Variants in ATP11B observed in about 807,000 individuals in gnomAD.
The protein encoded by ATP11B is phospholipid-transporting ATPase IF.
A neutral mutation model predicts 157.8 loss-of-function variants in ATP11B; 81 were observed. That is an observed-to-expected ratio of 0.51 (90% CI 0.43 to 0.62). ATP11B has a LOEUF of 0.62. ATP11B is among the 20% of genes least tolerant of loss of function. ATP11B has a pLI of 0.00. For missense variants in ATP11B, 1,165 were observed against 1,402.2 expected, an observed-to-expected ratio of 0.83 and a Z score of 2.70; for synonymous variants, 451 against 469.4, an observed-to-expected ratio of 0.96 and a Z score of 0.51.
intron 28 of ATP11B, among the ~76,000 whole-genome samples, chr3:182,899,580 T>G (rs1723809597): frequency 6.6e-6 from 1 of 152,222 alleles, no homozygotes; most frequent in Admixed American, 6.5e-5. Context: ...TAATAAATAT[T>G]AAACTACAGC....
chr3:182,917,342 A>T (rs951025757), intron 29 of ATP11B: 1 of 985,206 alleles, frequency 1.0e-6, no homozygotes, highest in African/African-American at 1.7e-5. Flanking sequence ...GTCTTGAGTT[A>T]TTTTAGCTTA....
chr3:182,847,793 C>T (rs915772479), intron 9 of ATP11B, among the ~76,000 whole-genome samples: 21 of 152,078 alleles, frequency 1.4e-4, no homozygotes, highest in African/African-American at 5.1e-4. Flanking sequence ...ATTACTTACC[C>T]GAGGATGTAG....
chr3:182,866,384 G>T lies in ATP11B; in HGVS notation c.1560G>T (p.Ser520=). The change falls in exon 14 of 30, where the codon TCG becomes TCT. Residue 520 remains serine (S), a synonymous_variant. Transcript: ENST00000323116. ...CCTGGCAATCCAACCTGGCACCATC[G>T]CAGTTGGAGTACTATGCATCTTCAC... is the stretch of plus-strand genomic sequence containing the variant. The part of the protein sequence containing the change: ...DGPWQSNLAP[S]QLEYYASSPD... 3 of 1,613,674 alleles carry T rather than the reference G, an allele frequency of 1.9e-6. No homozygotes were observed. The highest frequency in any genetic ancestry group is 2.5e-6 in the Non-Finnish European group (3 of 1,179,778).
At position 182,879,477 on chromosome 3, in the gene ATP11B, T is replaced by C. The variant is rs753641455; in HGVS notation, c.2253-19T>C. On this transcript the variant is annotated intron_variant, in intron 19 of 29. Coordinates refer to ENST00000323116, the MANE Select transcript of ATP11B (RefSeq NM_014616.3). ...GCTTCAAAGTATCTTACAGAGAATA[T>C]AATTATTTTCTCTTTTAGAATTACA... 1.7e-5 allele frequency: 27 copies of C among 1,584,364 alleles called. 1 individual carries two copies. In the South Asian group the frequency reaches 3.2e-4, roughly 19 times the overall value.
rs144534166 is a variant in ATP11B, at chr3:182,829,099, C to G, written c.235-573C>G. ...CGTTCGCTTGGCTTTCTTGGAAAAG[C>G]AAGAAATGTATGCTAACCATATCCA... On this transcript the variant is annotated intron_variant, in intron 3 of 29. Transcript: ENST00000323116. Among the ~76,000 whole-genome samples, 7 of 152,262 alleles carry G rather than the reference C, an allele frequency of 4.6e-5. No individual in the cohort carries two copies. The East Asian group carries it at 1.3e-3, about 29-fold the overall frequency.
At chr3:182,865,874 G>C (rs1195047418) in intron 13 of ATP11B, among the ~76,000 whole-genome samples, 176 bp downstream of exon 13, 1 of 152,150 alleles carries the variant, frequency 6.6e-6, no homozygotes, top group Non-Finnish European at 1.5e-5. Flanking sequence ...TTACAGCCCA[G>C]TTTAACTTGT....
At chr3:182,876,851 A>G (rs1722077536) in intron 19 of ATP11B, among the ~76,000 whole-genome samples, 1 of 152,208 alleles carries the variant, frequency 6.6e-6, no homozygotes, top group Admixed American at 6.5e-5. Context: ...CGACATTCAA[A>G]CCATAGCACT....
At chr3:182,803,563 CTTTG>C (rs988990386) in intron 1 of ATP11B, among the ~76,000 whole-genome samples, 4 of 151,942 alleles carry the variant, frequency 2.6e-5, no homozygotes, top group African/African-American at 9.7e-5. Context: ...TTGACAATTC[CTTTG>C]TTATACTAGG....
intron 10 of ATP11B, among the ~76,000 whole-genome samples, chr3:182,852,247 A>G (rs1294009123): frequency 6.6e-6 from 1 of 152,238 alleles, no homozygotes; most frequent in Non-Finnish European, 1.5e-5. Context: ...ACACATCTAC[A>G]TTTGCAGACT....
chr3:182,848,614 G>A (rs141194074), intron 10 of ATP11B, 57 bp downstream of exon 10: 30 of 917,902 alleles, frequency 3.3e-5, no homozygotes, highest in Middle Eastern at 3.8e-4. Flanking sequence ...TTTTTTATTC[G>A]TTTGGTATAA....
At chr3:182,822,803 C>A (rs953195733) in intron 2 of ATP11B, among the ~76,000 whole-genome samples, 4 of 152,068 alleles carry the variant, frequency 2.6e-5, no homozygotes, top group African/African-American at 9.7e-5. Context: ...TTTTAATGAT[C>A]GCCATTCTAA....
chr3:182,809,255 T>C (rs1219542438), intron 1 of ATP11B, among the ~76,000 whole-genome samples: 2 of 152,070 alleles, frequency 1.3e-5, no homozygotes, highest in Admixed American at 1.3e-4. Flanking sequence ...ATTTTAATTA[T>C]TTTATTTTAT....
At chr3:182,890,413 C>T (rs1286633430) in intron 25 of ATP11B, among the ~76,000 whole-genome samples, 2 of 152,126 alleles carry the variant, frequency 1.3e-5, no homozygotes, top group Non-Finnish European at 2.9e-5. Context: ...TATTGAAGGC[C>T]AGCTATTCCC....
rs1274632451 is a variant in ATP11B, at chr3:182,920,106, CTG to C, written c.*2003_*2004del. ...CCGTGTTTATTTGCCATCAAATAAA[CTG>C]AGTACTGACACCAGACAAAGACTCC... On this transcript the variant is annotated 3_prime_UTR_variant, in exon 30 of 30. Transcript: ENST00000323116. 3.3e-5 allele frequency: 5 copies of C among 152,252 alleles called. No individual in the cohort carries two copies. Among genetic ancestry groups the C allele is most frequent in the South Asian group, 2.1e-4 (1 of 4,822 alleles). 9.4% of individuals were successfully genotyped at this position (152,252 alleles called of 1,614,324 possible).
chr3:182,879,077 A>G (rs1028224848), intron 19 of ATP11B, among the ~76,000 whole-genome samples: 8 of 152,178 alleles, frequency 5.3e-5, no homozygotes, highest in Non-Finnish European at 1.2e-4. Flanking sequence ...GTTTGAGACC[A>G]GCCTGGGCAA....
chr3:182,814,202 T>C (rs1716836902), intron 1 of ATP11B, among the ~76,000 whole-genome samples: 1 of 152,122 alleles, frequency 6.6e-6, no homozygotes, highest in Admixed American at 6.5e-5. Context: ...TAGGTGGGAT[T>C]ACAGGCACGC....
chr3:182,825,254 AT>A (rs1354988755), intron 2 of ATP11B, among the ~76,000 whole-genome samples: 14 of 152,016 alleles, frequency 9.2e-5, no homozygotes, highest in Non-Finnish European at 1.9e-4. Flanking sequence ...GTCTTGTTAA[AT>A]TTTTTTCATA....
At chr3:182,878,374 C>T (rs191455997) in intron 19 of ATP11B, among the ~76,000 whole-genome samples, 5 of 152,226 alleles carry the variant, frequency 3.3e-5, no homozygotes, top group East Asian at 1.9e-4. Flanking sequence ...TGTGAACCTT[C>T]GGTATTTTCT....
At chr3:182,853,803 A>G (rs148318829) in intron 10 of ATP11B, among the ~76,000 whole-genome samples, 2 of 152,366 alleles carry the variant, frequency 1.3e-5, no homozygotes, top group East Asian at 1.9e-4. Flanking sequence ...ACTAAAGTGT[A>G]TATTGAAATG....
Sources: allele counts gnomAD v4.1 joint callset (sites outside exome capture counted in the v4.1 genomes callset), GRCh38; gene constraint gnomAD v4.1.1; transcripts MANE v1.5; gene names NCBI Gene and HGNC (gene_info 2026-07-23, HGNC 2026-07-21).